The following TLE3 variants were observed in gnomAD, a reference collection of about 807,000 sequenced individuals.
The protein encoded by TLE3 is TLE family member 3, transcriptional corepressor.
A neutral mutation model predicts 93.0 loss-of-function variants in TLE3; 14 were observed. The observed-to-expected ratio is 0.15, with a 90% CI of 0.10 to 0.24. TLE3 has a LOEUF of 0.24. Among genes scored for constraint, TLE3 ranks in the 10% least tolerant of loss-of-function variants. The pLI, the probability that TLE3 is intolerant of heterozygous loss-of-function variation, is 1.00. For synonymous variants in TLE3, 451 were observed against 425.0 expected, an observed-to-expected ratio of 1.06 and a Z score of -0.75; for missense variants, 693 against 1,046.6, an observed-to-expected ratio of 0.66 and a Z score of 4.66.
chr15:70,053,298 G>A lies in TLE3; in HGVS notation c.1903C>T (p.Leu635=), dbSNP rs1207268327. 1 of 1,608,460 alleles carries A rather than the reference G, an allele frequency of 6.2e-7. No individual in the cohort carries two copies. Among genetic ancestry groups the A allele is most frequent in the Non-Finnish European group, 8.5e-7 (1 of 1,177,452 alleles). Residue 635 remains leucine (L), a synonymous_variant, in exon 17 of 20, where the codon CTG becomes TTG. Coordinates refer to ENST00000451782, the MANE Select transcript of TLE3 (RefSeq NM_001105192.3). ...HDGTKLWTGG[L]DNTVRSWDLR... The stretch of plus-strand genomic sequence containing the variant: ...TCCCAGGAGCGCACCGTGTTGTCCA[G>A]GCCCCCTGTCCACAGTTTGGTGCCA...
chr15:70,049,761 A>C lies in TLE3; in HGVS notation c.*336T>G. 4.2e-6 allele frequency: 1 copy of C among 236,768 alleles called. No homozygotes were observed. 14.7% of individuals were successfully genotyped at this position (236,768 alleles called of 1,614,324 possible). On this transcript the variant is annotated 3_prime_UTR_variant, in exon 20 of 20. Transcript: ENST00000451782. ...CCGACCCAAGGTGAGGGACAGGGCA[A>C]AAGAAAAGGGAAGAACAAACAGAGA... is the stretch of plus-strand genomic sequence containing the variant.
intron 4 of TLE3, among the ~76,000 whole-genome samples, chr15:70,083,994 A>C (rs2057920202): frequency 6.6e-6 from 1 of 152,234 alleles, no homozygotes; most frequent in Non-Finnish European, 1.5e-5. Context: ...GGAAGGCAGG[A>C]GTGATGGCAT....
At position 70,049,982 on chromosome 15, in the gene TLE3, G is replaced by T; in HGVS notation, c.*115C>A. On this transcript the variant is annotated 3_prime_UTR_variant, in exon 20 of 20. Coordinates refer to ENST00000451782, the MANE Select transcript of TLE3 (RefSeq NM_001105192.3). ...AGCCGGCCGGAGCGCAGCCCTGAAC[G>T]CTCGGCTGCCTGCGGCCCATCCTCC... is the stretch of plus-strand genomic sequence containing the variant. 1.2e-6 allele frequency: 1 copy of T among 827,388 alleles called. No homozygotes were observed. Among genetic ancestry groups the T allele is most frequent in the South Asian group, 1.5e-5 (1 of 67,184 alleles). The allele number at this position is 827,388 out of a possible 1,614,324, so 51.3% of individuals were successfully genotyped here. A position where few individuals can be genotyped will look rare whatever the true frequency, so the allele number is the denominator to read the frequency against.
At chr15:70,082,790 T>C (rs1041157288) in intron 4 of TLE3, among the ~76,000 whole-genome samples, 1 of 151,626 alleles carries the variant, frequency 6.6e-6, no homozygotes, top group African/African-American at 2.4e-5. Context: ...CACAGGCGGG[T>C]GAGGATGACA....
At chr15:70,095,687 C>A in intron 2 of TLE3, 46 bp from the exon 3 acceptor site, 2 of 1,548,362 alleles carry the variant, frequency 1.3e-6, no homozygotes, top group Non-Finnish European at 8.7e-7. Context: ...CCTGGACAGC[C>A]TCCTCTGAGG....
intron 12 of TLE3, chr15:70,057,943 TGACCC>T: frequency 1.2e-6 from 1 of 829,996 alleles, no homozygotes; most frequent in South Asian, 1.8e-5. Flanking sequence ...TTGGGAGCCC[TGACCC>T]GTCTGATGCT....
chr15:70,057,890 G>C, intron 12 of TLE3: 1 of 713,034 alleles, frequency 1.4e-6, no homozygotes, highest in Non-Finnish European at 2.3e-6. Context: ...AAATGGGCTT[G>C]CTTAGAGCCT....
At chr15:70,055,548 C>G in intron 14 of TLE3, 1 of 423,002 alleles carries the variant, frequency 2.4e-6, no homozygotes, top group Non-Finnish European at 4.1e-6. Context: ...CAGAAACCCA[C>G]AGGTGTCCTG....
intron 4 of TLE3, among the ~76,000 whole-genome samples, chr15:70,093,447 G>A (rs1461807075): frequency 6.6e-6 from 1 of 152,216 alleles, no homozygotes; most frequent in Non-Finnish European, 1.5e-5. Flanking sequence ...TTGAAACCTT[G>A]TAAACGACTG....
intron 4 of TLE3, among the ~76,000 whole-genome samples, chr15:70,078,535 T>C (rs1246188421): frequency 6.6e-6 from 1 of 152,254 alleles, no homozygotes; most frequent in South Asian, 2.1e-4. Flanking sequence ...ATAGTATCAC[T>C]GGCATCTCTG....
rs1177319010 is a variant in TLE3, at chr15:70,095,339, A to T, written c.189+239T>A. 3.5e-6 allele frequency: 5 copies of T among 1,424,862 alleles called. No individual in the cohort carries two copies. The Admixed American group carries it at 1.5e-4, about 42-fold the overall frequency. 88.3% of individuals were successfully genotyped at this position (1,424,862 alleles called of 1,614,324 possible). On this transcript the variant is annotated intron_variant, in intron 3 of 19. Coordinates refer to ENST00000451782, the MANE Select transcript of TLE3 (RefSeq NM_001105192.3). ...TAAAGGCACATAAAGATAGTACAGAAGTCTCCGGCCTGGAATCGGGGTTTC... is the reference window on the plus strand; with the variant it reads ...TAAAGGCACATAAAGATAGTACAGATGTCTCCGGCCTGGAATCGGGGTTTC...
At position 70,073,367 on chromosome 15, in the gene TLE3, A is replaced by G. The variant is rs533716709; in HGVS notation, c.372+1166T>C. Among the ~76,000 whole-genome samples the G allele has an allele frequency of 2.6e-5, 4 of 152,304 alleles. No individual in the cohort carries two copies. In the South Asian group the frequency reaches 8.3e-4, roughly 32 times the overall value. On this transcript the variant is annotated intron_variant, in intron 6 of 19. Coordinates refer to ENST00000451782, the MANE Select transcript of TLE3 (RefSeq NM_001105192.3). ...GTCTCTGCCCCAGGCGGAAAAGTCAAGAGTCATCATGTATCCTACCAAGCA... is the reference window on the plus strand; with the variant it reads ...GTCTCTGCCCCAGGCGGAAAAGTCAGGAGTCATCATGTATCCTACCAAGCA...
rs538173901 is a variant in TLE3, at chr15:70,092,993, G to C, written c.234+1539C>G. The stretch of plus-strand genomic sequence containing the variant: ...GACAGGGCAGACAAAGGGAGGAAGT[G>C]GCACCCTGCATACACCCCAAGGTCC... On this transcript the variant is annotated intron_variant, in intron 4 of 19. Transcript: ENST00000451782. Among the ~76,000 whole-genome samples, 20 of 152,276 alleles carry C rather than the reference G, an allele frequency of 1.3e-4. No individual in the cohort carries two copies. In the South Asian group the frequency reaches 4.1e-3, roughly 32 times the overall value.
chr15:70,053,174 G>A (rs2055700299), intron 17 of TLE3, 53 bp downstream of exon 17: 15 of 1,566,816 alleles, frequency 9.6e-6, no homozygotes, highest in African/African-American at 5.4e-5. Flanking sequence ...CTGGGGCCCC[G>A]GAGGGAGGGA....
intron 4 of TLE3, among the ~76,000 whole-genome samples, chr15:70,085,070 C>T (rs2057979601): frequency 2.0e-5 from 3 of 152,222 alleles, no homozygotes; most frequent in Admixed American, 2.0e-4. Context: ...AAGAGCCACA[C>T]GTGGCTGGTG....
chr15:70,091,981 C>A (rs528771506), intron 4 of TLE3, among the ~76,000 whole-genome samples: 2 of 150,722 alleles, frequency 1.3e-5, no homozygotes, highest in Non-Finnish European at 3.0e-5. Flanking sequence ...ACCCCCACCC[C>A]AGCTTAAAGA....
At chr15:70,062,202 C>T (rs185741673) in intron 8 of TLE3, among the ~76,000 whole-genome samples, 1 of 152,338 alleles carries the variant, frequency 6.6e-6, no homozygotes, top group Non-Finnish European at 1.5e-5. Flanking sequence ...CTCAACCTTC[C>T]CCACAGCCGT....
Position 70,097,159 on chromosome 15 carries a change from G to A in TLE3, c.-361C>T, listed in dbSNP as rs2142136680. The A allele has an allele frequency of 7.2e-6, 3 of 418,884 alleles. No homozygotes were observed. The highest frequency in any genetic ancestry group is 1.7e-4 in the South Asian group (2 of 11,630). The allele number at this position is 418,884 out of a possible 1,614,324, so 25.9% of individuals were successfully genotyped here. A position where few individuals can be genotyped will look rare whatever the true frequency, so the allele number is the denominator to read the frequency against. Reference sequence around the variant, plus strand: ...GTCGGCTCCCCAGCAGGTCCGGCGCGGGGTCCCGAGGCCGGGGGCCCCTCC... The same window carrying A: ...GTCGGCTCCCCAGCAGGTCCGGCGCAGGGTCCCGAGGCCGGGGGCCCCTCC... On this transcript the variant is annotated 5_prime_UTR_variant, in exon 1 of 20. Transcript: ENST00000451782.
At chr15:70,069,353 C>T (rs1335551649) in intron 6 of TLE3, among the ~76,000 whole-genome samples, 1 of 152,178 alleles carries the variant, frequency 6.6e-6, no homozygotes, top group Non-Finnish European at 1.5e-5. Context: ...GTCCTGCTTG[C>T]CCAAAACATG....
Sources: gnomAD v4.1 joint callset for allele counts (sites outside exome capture counted in the v4.1 genomes callset) on GRCh38, gnomAD v4.1.1 for gene constraint, MANE v1.5 for transcripts, NCBI Gene and HGNC (gene_info 2026-07-23, HGNC 2026-07-21) for gene names.